Variants in FBXL4 observed in about 807,000 individuals in gnomAD.
FBXL4 encodes F-box and leucine rich repeat protein 4.
Under a neutral mutation model 58.9 loss-of-function variants are expected in FBXL4, and 40 were observed. That is an observed-to-expected ratio of 0.68 (90% CI 0.53 to 0.88). The LOEUF (loss-of-function observed/expected upper bound fraction) is 0.88. FBXL4 is among the 40% of genes least tolerant of loss of function. The probability of loss-of-function intolerance (pLI) is 0.00; values close to 1 mark genes in which losing one functional copy is unlikely to be tolerated. For synonymous variants in FBXL4, 263 were observed against 265.5 expected, an observed-to-expected ratio of 0.99 and a Z score of 0.09; for missense variants, 676 against 734.4, an observed-to-expected ratio of 0.92 and a Z score of 0.92.
intron 5 of FBXL4, among the ~76,000 whole-genome samples, chr6:98,912,154 C>G (rs1269018339): frequency 6.6e-6 from 1 of 152,170 alleles, no homozygotes; most frequent in African/African-American, 2.4e-5. Flanking sequence ...CGGACAAAGC[C>G]TCCAAGAAAT....
Position 98,869,362 on chromosome 6 carries a change from G to C in FBXL4, c.*4916C>G, listed in dbSNP as rs1770434881. 1 of 152,248 alleles carries C rather than the reference G, an allele frequency of 6.6e-6. No individual in the cohort carries two copies. Among genetic ancestry groups the C allele is most frequent in the Admixed American group, 6.5e-5 (1 of 15,284 alleles). The allele number at this position is 152,248 out of a possible 1,614,324, so 9.4% of individuals were successfully genotyped here. A position where few individuals can be genotyped will look rare whatever the true frequency, so the allele number is the denominator to read the frequency against. ...ATTAACATACATGGGGCCTGACACA[G>C]TGGCTTATGCCCGTAATCCCAGCAC... On this transcript the variant is annotated 3_prime_UTR_variant, in exon 10 of 10. Coordinates refer to ENST00000369244, the MANE Select transcript of FBXL4 (RefSeq NM_001278716.2).
Position 98,868,789 on chromosome 6 carries a change from T to C in FBXL4, c.*5489A>G, listed in dbSNP as rs959316846. 1.3e-5 allele frequency: 2 copies of C among 152,212 alleles called. No homozygotes were observed. The highest frequency in any genetic ancestry group is 6.5e-5 in the Admixed American group (1 of 15,268). The allele number at this position is 152,212 out of a possible 1,614,324, so 9.4% of individuals were successfully genotyped here. A position where few individuals can be genotyped will look rare whatever the true frequency, so the allele number is the denominator to read the frequency against. ...ATACTTCACTAATTACTTTACCAAA[T>C]ACATAGATTAAAATATCCCTAAATG... On this transcript the variant is annotated 3_prime_UTR_variant, in exon 10 of 10. Transcript: ENST00000369244.
At chr6:98,916,578 A>G (rs1373343400) in intron 5 of FBXL4, among the ~76,000 whole-genome samples, 1 of 152,108 alleles carries the variant, frequency 6.6e-6, no homozygotes, top group African/African-American at 2.4e-5. Flanking sequence ...CAAAAAAACC[A>G]AACACCGCAT....
chr6:98,878,525 T>TCTCCA (rs900603846), intron 8 of FBXL4, among the ~76,000 whole-genome samples: 6 of 151,982 alleles, frequency 3.9e-5, no homozygotes, highest in African/African-American at 1.5e-4. Context: ...TCATTAGGAA[T>TCTCCA]CTCCACTCCA....
At chr6:98,891,955 T>C (rs1771244283) in intron 7 of FBXL4, among the ~76,000 whole-genome samples, 1 of 152,120 alleles carries the variant, frequency 6.6e-6, no homozygotes, top group Non-Finnish European at 1.5e-5. Context: ...TCCCCACCTC[T>C]GCACTCACAA....
chr6:98,917,763 A>T (rs772730274), intron 4 of FBXL4, 44 bp from the exon 5 acceptor site: 1 of 1,435,394 alleles, frequency 7.0e-7, no homozygotes, highest in African/African-American at 1.4e-5. Context: ...TTAGAATGAG[A>T]TCTACTGGTC....
At chr6:98,877,451 G>GT (rs1295805723) in intron 8 of FBXL4, among the ~76,000 whole-genome samples, 1 of 152,168 alleles carries the variant, frequency 6.6e-6, no homozygotes. Flanking sequence ...TCCTTCAAGA[G>GT]TTTTTTGTTG....
At chr6:98,911,822 C>T (rs532794668) in intron 5 of FBXL4, among the ~76,000 whole-genome samples, 25 of 152,300 alleles carry the variant, frequency 1.6e-4, no homozygotes, top group Admixed American at 6.5e-4. Flanking sequence ...CAAAGCTGGA[C>T]GGAGAATGAC....
chr6:98,887,494 T>C (rs1282605364), intron 7 of FBXL4, among the ~76,000 whole-genome samples: 7 of 152,320 alleles, frequency 4.6e-5, no homozygotes. Context: ...AAATGGTAGA[T>C]GCATTATTTT....
chr6:98,877,258 T>C (rs1770694870), intron 8 of FBXL4, among the ~76,000 whole-genome samples: 1 of 152,062 alleles, frequency 6.6e-6, no homozygotes, highest in African/African-American at 2.4e-5. Context: ...TCTCCTTACG[T>C]GAGTATACCT....
At chr6:98,937,506 A>C (rs1184119028) in intron 1 of FBXL4, among the ~76,000 whole-genome samples, 1 of 152,210 alleles carries the variant, frequency 6.6e-6, no homozygotes, top group Non-Finnish European at 1.5e-5. Flanking sequence ...CTACTCATTA[A>C]GTGAAAGTGA....
intron 1 of FBXL4, among the ~76,000 whole-genome samples, chr6:98,946,470 GCAA>G (rs1365619585): frequency 1.1e-4 from 16 of 152,144 alleles, no homozygotes; most frequent in Non-Finnish European, 2.2e-4. Flanking sequence ...GTTAACCGCA[GCAA>G]CATTAAGAGG....
At chr6:98,944,010 A>G (rs2128414260) in intron 1 of FBXL4, among the ~76,000 whole-genome samples, 1 of 152,394 alleles carries the variant, frequency 6.6e-6, no homozygotes, top group Non-Finnish European at 1.5e-5. Context: ...ATAGTATCTT[A>G]CAACAAATGT....
chr6:98,921,434 T>A (rs981661685), intron 4 of FBXL4, among the ~76,000 whole-genome samples: 1 of 151,468 alleles, frequency 6.6e-6, no homozygotes, highest in Admixed American at 6.6e-5. Context: ...AAGAAAGTTA[T>A]CTTGCCAACC....
At chr6:98,927,206 G>A in intron 3 of FBXL4, 146 bp from the exon 4 acceptor site, 2 of 462,638 alleles carry the variant, frequency 4.3e-6, no homozygotes, top group Non-Finnish European at 7.6e-6. Context: ...TGTGAAGTCT[G>A]GTATAAATAA....
chr6:98,876,402 A>G (rs1053694648), intron 8 of FBXL4, among the ~76,000 whole-genome samples: 14 of 152,228 alleles, frequency 9.2e-5, no homozygotes, highest in Non-Finnish European at 1.5e-5. Flanking sequence ...TAAATAGGTT[A>G]TTTTAAGAGG....
intron 1 of FBXL4, among the ~76,000 whole-genome samples, chr6:98,943,741 T>A (rs1773519177): frequency 6.6e-6 from 1 of 151,852 alleles, no homozygotes; most frequent in Non-Finnish European, 1.5e-5. Context: ...ATAATAAACA[T>A]ATGGACAAAA....
intron 2 of FBXL4, among the ~76,000 whole-genome samples, chr6:98,932,400 A>G (rs1287140727): frequency 6.6e-6 from 1 of 152,220 alleles, no homozygotes; most frequent in Non-Finnish European, 1.5e-5. Flanking sequence ...ACATGATTTT[A>G]TTATAATACA....
intron 6 of FBXL4, among the ~76,000 whole-genome samples, chr6:98,901,209 G>T (rs1322487266): frequency 6.6e-6 from 1 of 152,144 alleles, no homozygotes; most frequent in Non-Finnish European, 1.5e-5. Flanking sequence ...AGGATGGACA[G>T]AGTAGTCAGA....
Sources: gnomAD v4.1 joint callset for allele counts (sites outside exome capture counted in the v4.1 genomes callset) on GRCh38, gnomAD v4.1.1 for gene constraint, MANE v1.5 for transcripts, NCBI Gene and HGNC (gene_info 2026-07-23, HGNC 2026-07-21) for gene names.